LUZP2: variants seen among roughly 807,000 people sequenced by gnomAD.
LUZP2 encodes the protein leucine zipper protein 2.
In LUZP2, 52 loss-of-function variants were observed where a neutral mutation model predicts 51.6. The observed-to-expected ratio is 1.01, with a 90% confidence interval of 0.81 to 1.27. The LOEUF (loss-of-function observed/expected upper bound fraction) is 1.27, where lower values mean the gene tolerates loss of function less well. LUZP2 is among the 50% of genes most tolerant of loss of function. The pLI is 0.00. For synonymous variants in LUZP2, 154 were observed against 137.3 expected (o/e 1.12, Z -0.85); for missense variants, 436 against 395.4 (o/e 1.10, Z -0.87).
intron 1 of LUZP2, among the ~76,000 whole-genome samples, chr11:24,581,031 T>C (rs1852834414): frequency 6.6e-6 from 1 of 152,132 alleles, no homozygotes; most frequent in Non-Finnish European, 1.5e-5. Context: ...CAGTTATACA[T>C]ATTTCTCAAA....
intron 5 of LUZP2, among the ~76,000 whole-genome samples, chr11:24,803,914 T>A (rs1365390326): frequency 4.0e-5 from 6 of 151,018 alleles, no homozygotes; most frequent in African/African-American, 1.5e-4. Context: ...GAGTTTTTCT[T>A]AGATATTGAT....
rs1000427623 is a variant in LUZP2 at position 25,054,642 on chromosome 11, A to C, written c.858+4512A>C. On this transcript the variant is annotated intron_variant, in intron 10 of 11. Transcript: ENST00000336930. ...TCAAAAAATAACTGACACAAACATG[A>C]GTTCATTTCTCATCTTTCAATTTTT... is the stretch of plus-strand genomic sequence containing the variant. Among the ~76,000 whole-genome samples, 4 of 152,062 alleles carry C rather than the reference A, an allele frequency of 2.6e-5. 1 individual carries two copies. The highest frequency in any genetic ancestry group is 1.3e-4 in the Admixed American group (2 of 15,272).
At chr11:24,538,766 T>G (rs1851264846) in intron 1 of LUZP2, among the ~76,000 whole-genome samples, 1 of 151,740 alleles carries the variant, frequency 6.6e-6, no homozygotes, top group Admixed American at 6.6e-5. Flanking sequence ...AAGTAAAATA[T>G]TTCACAGCAC....
intron 9 of LUZP2, among the ~76,000 whole-genome samples, chr11:25,017,236 T>G (rs1203826856): frequency 6.6e-6 from 1 of 152,182 alleles, no homozygotes; most frequent in Non-Finnish European, 1.5e-5. Context: ...TTTACTCTGA[T>G]GATGATTTAT....
chr11:24,978,200 G>T (rs1855933579), intron 8 of LUZP2, among the ~76,000 whole-genome samples: 1 of 151,446 alleles, frequency 6.6e-6, no homozygotes, highest in Non-Finnish European at 1.5e-5. Flanking sequence ...AGCATTATAA[G>T]ATTTTAAAAA....
intron 1 of LUZP2, among the ~76,000 whole-genome samples, chr11:24,717,315 A>G (rs1858084815): frequency 6.6e-6 from 1 of 151,934 alleles, no homozygotes; most frequent in South Asian, 2.1e-4. Flanking sequence ...TTTTAGGTTC[A>G]GCAGTACATG....
At chr11:24,551,693 T>C (rs1336151503) in intron 1 of LUZP2, among the ~76,000 whole-genome samples, 1 of 151,754 alleles carries the variant, frequency 6.6e-6, no homozygotes, top group Non-Finnish European at 1.5e-5. Flanking sequence ...TAATTGGAAA[T>C]ATAGAGGAAA....
chr11:24,946,211 A>C (rs1388664959), intron 7 of LUZP2, among the ~76,000 whole-genome samples: 2 of 152,060 alleles, frequency 1.3e-5, no homozygotes, highest in African/African-American at 4.8e-5. Flanking sequence ...TCCGTTTGTT[A>C]GAATATGGAC....
intron 5 of LUZP2, among the ~76,000 whole-genome samples, chr11:24,818,952 ATT>A (rs1320736215): frequency 9.2e-5 from 14 of 152,072 alleles, no homozygotes; most frequent in Non-Finnish European, 1.5e-4. Context: ...GGAGCTCAAT[ATT>A]TTTTGAATAC....
chr11:24,497,287 C>A lies in LUZP2; in HGVS notation c.44C>A (p.Ala15Glu). 1 of 1,565,882 alleles carries A rather than the reference C, an allele frequency of 6.4e-7. No individual in the cohort carries two copies. The highest frequency in any genetic ancestry group is 8.7e-7 in the Non-Finnish European group (1 of 1,154,578). ...CACTACCTGCTGCCTCTCCTGCCTG[C>A]GCTGGTCCTCAGCACCAGGTGAGTC... is the stretch of plus-strand genomic sequence containing the variant. ...PAHYLLPLLP[A>E]LVLSTRQDYE... Residue 15 changes from alanine to glutamate, a missense_variant, in exon 1 of 12, where the codon GCG (alanine) becomes GAG (glutamate). Physicochemically the swap from Ala to Glu is moderately radical, Grantham distance 107 (BLOSUM62 -1). Coordinates refer to ENST00000336930, the MANE Select transcript of LUZP2 (RefSeq NM_001009909.4).
chr11:24,763,012 T>TA (rs1854102132), intron 4 of LUZP2: 5 of 837,970 alleles, frequency 6.0e-6, no homozygotes, highest in Non-Finnish European at 7.1e-6. Flanking sequence ...GTTTCTCAAT[T>TA]TAAAAAAAAA....
Position 24,699,224 on chromosome 11 carries a change from C to T in LUZP2, c.63-29945C>T, listed in dbSNP as rs949484058. On this transcript the variant is annotated intron_variant, in intron 1 of 11. Transcript: ENST00000336930. ...ATAAAGCATCAGTGATTTAACCTTT[C>T]TTCCACCCACGCTTCACCATAAATT... Among the ~76,000 whole-genome samples, 8 of 152,008 alleles carry T rather than the reference C, an allele frequency of 5.3e-5. No homozygotes were observed. In the East Asian group the frequency reaches 1.5e-3, roughly 29 times the overall value.
chr11:24,741,529 C>CT, intron 4 of LUZP2, among the ~76,000 whole-genome samples: 1 of 151,926 alleles, frequency 6.6e-6, no homozygotes, highest in Middle Eastern at 3.4e-3. Context: ...GCAGTATACA[C>CT]TGCATCCTAT....
chr11:25,045,073 G>GGT (rs1266708164), intron 9 of LUZP2, among the ~76,000 whole-genome samples: 1 of 107,838 alleles, frequency 9.3e-6, no homozygotes, highest in African/African-American at 3.5e-5. Context: ...GTGGGGGGAG[G>GGT]GGAGGGGTAG....
At chr11:24,575,342 T>C (rs1210978892) in intron 1 of LUZP2, among the ~76,000 whole-genome samples, 2 of 152,192 alleles carry the variant, frequency 1.3e-5, no homozygotes, top group East Asian at 3.9e-4. Flanking sequence ...TCTTTTCCTA[T>C]ATTTGCCTGG....
chr11:24,734,253 C>T (rs541269065), intron 3 of LUZP2, among the ~76,000 whole-genome samples: 12 of 62,716 alleles, frequency 1.9e-4, no homozygotes, highest in African/African-American at 5.0e-4. Flanking sequence ...AGGAGGGACG[C>T]GGATGAGGAG....
At chr11:24,706,416 A>C (rs1315019738) in intron 1 of LUZP2, among the ~76,000 whole-genome samples, 1 of 152,158 alleles carries the variant, frequency 6.6e-6, no homozygotes, top group East Asian at 1.9e-4. Flanking sequence ...GGAAGAAGCA[A>C]ATCCAGTGTC....
rs536994735 is a variant in LUZP2, at chr11:24,606,141, T to C, written c.62+108836T>C. Among the ~76,000 whole-genome samples, 17 of 151,886 alleles carry C rather than the reference T, an allele frequency of 1.1e-4. 2 individuals carry two copies. Among genetic ancestry groups the C allele is most frequent in the Middle Eastern group, 3.4e-3 (1 of 292 alleles). On this transcript the variant is annotated intron_variant, in intron 1 of 11. Transcript: ENST00000336930. ...GTATACATATATATATACCACACAT[T>C]TATGTGTATGTGTATGTGGGTAGAC...
chr11:24,898,116 A>G (rs545987306), intron 5 of LUZP2, among the ~76,000 whole-genome samples: 25 of 152,328 alleles, frequency 1.6e-4, no homozygotes, highest in Admixed American at 1.0e-3. Context: ...TCAAAATTGT[A>G]CAACTCCTAT....
Sources: gnomAD v4.1 joint callset for allele counts (sites outside exome capture counted in the v4.1 genomes callset) on GRCh38, gnomAD v4.1.1 for gene constraint, MANE v1.5 for transcripts, NCBI Gene and HGNC (gene_info 2026-07-23, HGNC 2026-07-21) for gene names.